The following GTPBP6 variants were observed in gnomAD, a reference collection of about 807,000 sequenced individuals.
GTPBP6 encodes the protein putative GTP-binding protein 6.
In GTPBP6, 33 loss-of-function variants were observed where a neutral mutation model predicts 28.9. The observed-to-expected ratio is 1.14, with a 90% CI of 0.87 to 1.53. GTPBP6 has a LOEUF of 1.53. Ranked by LOEUF, GTPBP6 falls within the 40% of genes most tolerant of loss-of-function variation. The pLI is 0.00. For missense variants in GTPBP6, 507 were observed against 408.3 expected (o/e 1.24, Z -2.08); for synonymous variants, 231 against 192.7 (o/e 1.20, Z -1.65).
At chrX:307,922 T>C (rs1415663038) in intron 7 of GTPBP6, 42 bp from the exon 8 acceptor site, 7 of 1,452,052 alleles carry the variant, frequency 4.8e-6, no homozygotes, top group Non-Finnish European at 6.4e-6. Flanking sequence ...GAGCCTCTGG[T>C]CCCTGACCCC....
chrX:317,099 C>T, intron 1 of GTPBP6, 48 bp from the exon 2 acceptor site: 2 of 338,988 alleles, frequency 5.9e-6, no homozygotes, highest in Non-Finnish European at 9.6e-6. Context: ...GCCCGGGGCC[C>T]CCGTCCACAC....
Position 312,200 on chromosome X carries a change from T to C in GTPBP6, c.916+566A>G, listed in dbSNP as rs1602965732. On this transcript the variant is annotated intron_variant, in intron 6 of 9. Coordinates refer to ENST00000326153, the Ensembl canonical transcript of GTPBP6. ...GGACATTGTGGTGTACACGGGTGGA[T>C]TATGTAGACGGGGTGGTGGTATAGC... is the stretch of plus-strand genomic sequence containing the variant. 7.3e-6 allele frequency: 3 copies of C among 410,858 alleles called. No individual in the cohort carries two copies. The African/African-American group carries it at 7.5e-5, about 10-fold the overall frequency. The allele number at this position is 410,858 out of a possible 1,614,324, so 25.5% of individuals were successfully genotyped here.
intron 9 of GTPBP6, among the ~76,000 whole-genome samples, chrX:305,514 G>C (rs2070141135): frequency 6.6e-6 from 1 of 151,356 alleles, no homozygotes; most frequent in Non-Finnish European, 1.5e-5. Flanking sequence ...GTAGAGACGG[G>C]GTTTCACCGT....
rs201848446 is a variant in GTPBP6 at position 313,036 on chromosome X, TG to T, written c.758-113del. ...CGGGGCCTGCTCCCGCTCCAGCATC[TG>T]GGGGCCCGGCTGCTTTCCCCAGCAG... On this transcript the variant is annotated intron_variant, in intron 5 of 9. Transcript: ENST00000326153. 1.6e-3 allele frequency: 1,414 copies of T among 871,774 alleles called. 24 individuals are homozygous for T. In the East Asian group the frequency reaches 0.032, roughly 20 times the overall value. 54.0% of individuals were successfully genotyped at this position (871,774 alleles called of 1,614,324 possible).
At chrX:315,416 C>T (rs1307860455) in intron 2 of GTPBP6, 117 bp from the exon 3 acceptor site, 23 of 398,460 alleles carry the variant, frequency 5.8e-5, no homozygotes, top group Admixed American at 2.2e-4. Context: ...CAGGCATCCC[C>T]GACTTCCTGA....
intron 1 of GTPBP6, among the ~76,000 whole-genome samples, 151 bp from the exon 2 acceptor site, chrX:317,202 C>A (rs1406251917): frequency 1.1e-4 from 16 of 152,138 alleles, no homozygotes; most frequent in African/African-American, 3.9e-4. Context: ...CTTCGTCCCC[C>A]CAGGGCCTCT....
rs746186436 is a variant in GTPBP6 at position 305,203 on chromosome X, C to G, written c.1428-6G>C. 1.2e-6 allele frequency: 2 copies of G among 1,609,502 alleles called. No individual in the cohort carries two copies. Among genetic ancestry groups the G allele is most frequent in the Non-Finnish European group, 1.7e-6 (2 of 1,175,842 alleles). ...TGGCCTCCTTATACAGCCAGCTGGG[C>G]ACAGATGCGCGTTGTATGGAGACAA... On this transcript the variant is annotated splice_polypyrimidine_tract_variant and splice_region_variant and intron_variant, in intron 9 of 9. Transcript: ENST00000326153.
At chrX:312,453 G>T (rs1467569674) in intron 6 of GTPBP6, 2 of 577,430 alleles carry the variant, frequency 3.5e-6, no homozygotes. Context: ...CAGGAGGATG[G>T]TGTAGATGGA....
chrX:316,392 G>C (rs2070441652), intron 2 of GTPBP6, among the ~76,000 whole-genome samples: 1 of 150,760 alleles, frequency 6.6e-6, no homozygotes, highest in Non-Finnish European at 1.5e-5. Context: ...GCAGGGGTGA[G>C]ATGCATCTGA....
At chrX:318,567 T>C (rs1473979865) in exon 1 of GTPBP6, 7 of 398,192 alleles carry the variant, frequency 1.8e-5, no homozygotes, top group Middle Eastern at 6.2e-4. Context: ...GTCCGCATCT[T>C]CCGGCTCCTC....
intron 7 of GTPBP6, 63 bp from the exon 8 acceptor site, chrX:307,943 A>G: frequency 7.2e-7 from 1 of 1,395,222 alleles, no homozygotes; most frequent in Non-Finnish European, 9.4e-7. Context: ...AAGCTTGCAG[A>G]CAGGCCCAGG....
chrX:308,010 G>T lies in GTPBP6; in HGVS notation c.1126-130C>A, dbSNP rs147800257. 887 of 786,728 alleles carry T rather than the reference G, an allele frequency of 1.1e-3. 4 individuals carry two copies. The African/African-American group carries it at 0.015, about 13-fold the overall frequency. The allele number at this position is 786,728 out of a possible 1,614,324, so 48.7% of individuals were successfully genotyped here. A position where few individuals can be genotyped will look rare whatever the true frequency, so the allele number is the denominator to read the frequency against. Reference sequence around the variant, plus strand: ...CTGGGCATGGGAGGTACGCCTGTGTGCAGGCCCCTCGGACACCCCAGGACG... The same window carrying T: ...CTGGGCATGGGAGGTACGCCTGTGTTCAGGCCCCTCGGACACCCCAGGACG... On this transcript the variant is annotated intron_variant, in intron 7 of 9. Transcript: ENST00000326153.
At chrX:309,753 A>T (rs1170009723) in intron 7 of GTPBP6, among the ~76,000 whole-genome samples, 1 of 138,190 alleles carries the variant, frequency 7.2e-6, no homozygotes, top group African/African-American at 2.9e-5. Context: ...GATCCAACTG[A>T]AGTGAACTGA....
chrX:311,739 C>T (rs779626995), intron 6 of GTPBP6, 112 bp from the exon 7 acceptor site: 45 of 841,766 alleles, frequency 5.3e-5, no homozygotes, highest in Middle Eastern at 3.4e-4. Context: ...GGCCGCACCC[C>T]GGGCTACACG....
Position 314,137 on chromosome X carries a change from C to A in GTPBP6, c.757+13G>T. On this transcript the variant is annotated intron_variant, in intron 5 of 9. Coordinates refer to ENST00000326153, the Ensembl canonical transcript of GTPBP6. ...CGAGGACCCTCTGGGACGCCGCGCC[C>A]GGCCCGAGTTACCTGACCCCATGAT... 6.2e-7 allele frequency: 1 copy of A among 1,608,934 alleles called. No homozygotes were observed.
exon 8 of GTPBP6, chrX:307,747 A>G (rs771584176): frequency 3.1e-5 from 46 of 1,500,834 alleles, no homozygotes; most frequent in Non-Finnish European, 3.9e-5. Context: ...CACGAGGTCC[A>G]CCTTGTTGTG....
chrX:316,416 G>T (rs2070442059), intron 2 of GTPBP6, among the ~76,000 whole-genome samples: 1 of 151,790 alleles, frequency 6.6e-6, no homozygotes, highest in Non-Finnish European at 1.5e-5. Context: ...AGGCAGGAAA[G>T]CTGACCCCCA....
Position 314,528 on chromosome X carries a change from A to T in GTPBP6, c.690-311T>A, listed in dbSNP as rs1438754093. Among the ~76,000 whole-genome samples, 12 of 150,796 alleles carry T rather than the reference A, an allele frequency of 8.0e-5. No homozygotes were observed. The East Asian group carries it at 1.8e-3, about 22-fold the overall frequency. The stretch of plus-strand genomic sequence containing the variant: ...CGCTCTGTCACCCAGGCTGGAGTGC[A>T]GTGGCGTGATCTCGGCTCACTGCAA... On this transcript the variant is annotated intron_variant, in intron 4 of 9. Transcript: ENST00000326153.
At chrX:313,111 C>T (rs751695882) in intron 5 of GTPBP6, among the ~76,000 whole-genome samples, 187 bp from the exon 6 acceptor site, 112 of 152,330 alleles carry the variant, frequency 7.4e-4, no homozygotes, top group African/African-American at 2.5e-3. Context: ...CTCGGCGGAA[C>T]GGGATCTCGC....
Sources: allele counts gnomAD v4.1 joint callset (sites outside exome capture counted in the v4.1 genomes callset), GRCh38; gene constraint gnomAD v4.1.1; transcripts MANE v1.5; gene names NCBI Gene and HGNC (gene_info 2026-07-23, HGNC 2026-07-21).